DSG2: variants seen among roughly 807,000 people sequenced by gnomAD.
The protein encoded by DSG2 is desmoglein 2.
In DSG2, 45 loss-of-function variants were observed where a neutral mutation model predicts 75.6. That is an observed-to-expected ratio of 0.60 (90% CI 0.47 to 0.76). The LOEUF (loss-of-function observed/expected upper bound fraction) is 0.76. DSG2 is among the 30% of genes least tolerant of loss of function. The pLI is 0.00. For missense variants in DSG2, 1,267 were observed against 1,357.4 expected (o/e 0.93, Z 1.05); for synonymous variants, 429 against 483.9 (o/e 0.89, Z 1.49).
At position 31,531,165 on chromosome 18, in the gene DSG2, G is replaced by A. The variant is rs1481718957; in HGVS notation, c.1193G>A (p.Ser398Asn). The change falls in exon 9 of 15, where the codon AGC (serine) becomes AAC (asparagine). Residue 398 changes from serine to asparagine, a missense_variant. By Grantham distance (46) the Ser-to-Asn change is conservative. Coordinates refer to ENST00000261590, the MANE Select transcript of DSG2 (RefSeq NM_001943.5). ...FKSSVISIYV[S>N]ESMDRSSKGQ... ...AGCAGCGTCATCTCAATTTATGTTA[G>A]CGAGAGCATGGATAGATCAAGCAAA... The A allele has an allele frequency of 3.1e-6, 5 of 1,614,166 alleles. No homozygotes were observed. The highest frequency in any genetic ancestry group is 1.7e-5 in the Admixed American group (1 of 60,016).
At position 31,509,190 on chromosome 18, in the gene DSG2, G is replaced by T. The variant is rs147607988; in HGVS notation, c.46-9049G>T. Among the ~76,000 whole-genome samples, 67 of 152,262 alleles carry T rather than the reference G, an allele frequency of 4.4e-4. 1 individual carries two copies. The South Asian group carries it at 0.013, about 30-fold the overall frequency. On this transcript the variant is annotated intron_variant, in intron 1 of 14. Coordinates refer to ENST00000261590, the MANE Select transcript of DSG2 (RefSeq NM_001943.5). ...CAAGTGTAGCAAAGCATTGCTAAAT[G>T]CATATTTTAAAATTCTATGAGTTAA...
intron 1 of DSG2, among the ~76,000 whole-genome samples, chr18:31,517,418 A>G (rs527864964): frequency 6.6e-6 from 1 of 152,344 alleles, no homozygotes; most frequent in Non-Finnish European, 1.5e-5. Context: ...TATACATATC[A>G]AAGCAGCTAG....
intron 9 of DSG2, among the ~76,000 whole-genome samples, chr18:31,532,797 C>T (rs1019160022): frequency 7.2e-5 from 11 of 152,278 alleles, no homozygotes; most frequent in African/African-American, 2.2e-4. Context: ...GATCATTTTT[C>T]ACTGCTGTCT....
Position 31,548,150 on chromosome 18 carries a change from A to G in DSG2, c.*1407A>G, listed in dbSNP as rs2073328058. 1 of 152,188 alleles carries G rather than the reference A, an allele frequency of 6.6e-6. No homozygotes were observed. The highest frequency in any genetic ancestry group is 2.4e-5 in the African/African-American group (1 of 41,438). The allele number at this position is 152,188 out of a possible 1,614,324, so 9.4% of individuals were successfully genotyped here. Reference sequence around the variant, plus strand: ...GTACTCAATATTATAAAAACCTCAAATAATTGACTTGATTTTACACAACAT... The same window carrying G: ...GTACTCAATATTATAAAAACCTCAAGTAATTGACTTGATTTTACACAACAT... On this transcript the variant is annotated 3_prime_UTR_variant, in exon 15 of 15. Coordinates refer to ENST00000261590, the MANE Select transcript of DSG2 (RefSeq NM_001943.5).
At position 31,546,086 on chromosome 18, in the gene DSG2, G is replaced by C. The variant is rs1396387126; in HGVS notation, c.2700G>C (p.Glu900Asp). Reference protein sequence around the residue: ...VPKSLQEANAEKVTQEIVTER... With the variant: ...VPKSLQEANADKVTQEIVTER... ...AATCTTTGCAAGAAGCCAATGCAGA[G>C]AAAGTAACTCAGGAAATAGTCACTG... The change falls in exon 15 of 15, where the codon GAG becomes GAC. Residue 900 changes from glutamate to aspartate, a missense_variant. Coordinates refer to ENST00000261590, the MANE Select transcript of DSG2 (RefSeq NM_001943.5). 1 of 1,614,206 alleles carries C rather than the reference G, an allele frequency of 6.2e-7. No homozygotes were observed. The highest frequency in any genetic ancestry group is 1.1e-5 in the South Asian group (1 of 91,084).
At chr18:31,531,298 A>G in intron 9 of DSG2, 46 bp downstream of exon 9, 1 of 1,603,992 alleles carries the variant, frequency 6.2e-7, no homozygotes, top group Non-Finnish European at 8.5e-7. Flanking sequence ...AATTATTTTC[A>G]GTGCCTATTT....
chr18:31,503,335 G>A (rs1434943463), intron 1 of DSG2, among the ~76,000 whole-genome samples: 3 of 152,172 alleles, frequency 2.0e-5, no homozygotes, highest in Non-Finnish European at 1.5e-5. Flanking sequence ...ATCCCAGCTG[G>A]TATCTGAGAA....
intron 10 of DSG2, among the ~76,000 whole-genome samples, chr18:31,535,631 T>TA (rs1463419474): frequency 1.3e-5 from 2 of 151,888 alleles, no homozygotes; most frequent in Admixed American, 6.6e-5. Flanking sequence ...CCGTCTCTAC[T>TA]AAAAATACAA....
chr18:31,517,557 A>G (rs532043203), intron 1 of DSG2, among the ~76,000 whole-genome samples: 8 of 152,354 alleles, frequency 5.3e-5, no homozygotes, highest in South Asian at 2.1e-4. Context: ...TTCCAAAACT[A>G]TGCACATCTT....
chr18:31,508,919 C>T (rs2073052780), intron 1 of DSG2, among the ~76,000 whole-genome samples: 1 of 152,062 alleles, frequency 6.6e-6, no homozygotes, highest in African/African-American at 2.4e-5. Context: ...ATTCTTGGAC[C>T]CCATCCAGAC....
intron 1 of DSG2, among the ~76,000 whole-genome samples, chr18:31,516,052 T>C (rs1439505211): frequency 2.6e-5 from 4 of 151,878 alleles, no homozygotes; most frequent in African/African-American, 9.7e-5. Flanking sequence ...GTGGGAGCAA[T>C]ACATATAGAC....
chr18:31,548,954 T>C lies in DSG2; in HGVS notation c.*2211T>C, dbSNP rs1199252735. ...AAGGCAGGTGTTTCTTGGACTTTGTTATTTAATTAGATCTGCTTGCAATAA... is the reference window on the plus strand; with the variant it reads ...AAGGCAGGTGTTTCTTGGACTTTGTCATTTAATTAGATCTGCTTGCAATAA... On this transcript the variant is annotated 3_prime_UTR_variant, in exon 15 of 15. Transcript: ENST00000261590. 6.6e-6 allele frequency: 1 copy of C among 152,230 alleles called. No homozygotes were observed. The highest frequency in any genetic ancestry group is 1.9e-4 in the East Asian group (1 of 5,204). 9.4% of individuals were successfully genotyped at this position (152,230 alleles called of 1,614,324 possible).
chr18:31,524,697 T>C lies in DSG2; in HGVS notation c.829-6T>C. 6.2e-7 allele frequency: 1 copy of C among 1,614,194 alleles called. No homozygotes were observed. Among genetic ancestry groups the C allele is most frequent in the Non-Finnish European group, 8.5e-7 (1 of 1,180,030 alleles). On this transcript the variant is annotated splice_polypyrimidine_tract_variant and splice_region_variant and intron_variant, in intron 7 of 14. Transcript: ENST00000261590. ...GAAATAAAAATCATGTGTTCATGTTTTGCAGCTTGAAGGGATGGTTGAAGA... is the reference window on the plus strand; with the variant it reads ...GAAATAAAAATCATGTGTTCATGTTCTGCAGCTTGAAGGGATGGTTGAAGA...
At position 31,542,858 on chromosome 18, in the gene DSG2, G is replaced by C; in HGVS notation, c.2334+6G>C. On this transcript the variant is annotated splice_donor_region_variant and intron_variant, in intron 14 of 14. Transcript: ENST00000261590. ...TAAGAAATTATTTCACTGATGTAAGGATGAGTTTTATGTATTGGTGGTGGG... is the reference window on the plus strand; with the variant it reads ...TAAGAAATTATTTCACTGATGTAAGCATGAGTTTTATGTATTGGTGGTGGG... 9.1e-7 allele frequency: 1 copy of C among 1,093,142 alleles called. No individual in the cohort carries two copies. The highest frequency in any genetic ancestry group is 1.5e-5 in the South Asian group (1 of 66,072). The allele number at this position is 1,093,142 out of a possible 1,614,324, so 67.7% of individuals were successfully genotyped here. A position where few individuals can be genotyped will look rare whatever the true frequency, so the allele number is the denominator to read the frequency against.
intron 1 of DSG2, among the ~76,000 whole-genome samples, chr18:31,511,807 A>T (rs559650953): frequency 1.3e-5 from 2 of 152,240 alleles, no homozygotes; most frequent in Admixed American, 6.5e-5. Flanking sequence ...TGAAAACACC[A>T]TGTCACCAGT....
At chr18:31,501,511 G>C (rs1321123538) in intron 1 of DSG2, among the ~76,000 whole-genome samples, 1 of 152,084 alleles carries the variant, frequency 6.6e-6, no homozygotes, top group African/African-American at 2.4e-5. Context: ...ATATGGGCAG[G>C]GCCATGCTCC....
intron 1 of DSG2, among the ~76,000 whole-genome samples, chr18:31,504,689 G>A (rs2073030096): frequency 6.6e-6 from 1 of 152,162 alleles, no homozygotes; most frequent in Non-Finnish European, 1.5e-5. Context: ...TGTCCCCAGT[G>A]GCCAGGCAAT....
chr18:31,532,327 C>G (rs1382330472), intron 9 of DSG2, among the ~76,000 whole-genome samples: 1 of 152,034 alleles, frequency 6.6e-6, no homozygotes, highest in Non-Finnish European at 1.5e-5. Flanking sequence ...AGCACTAATT[C>G]CATTCATGAG....
At position 31,522,310 on chromosome 18, in the gene DSG2, CTTTTT is replaced by C. The variant is rs10544776; in HGVS notation, c.690+62_690+66del. ...CTCTATCCTTTCCAGTTTCTCCTCTCTTTTTCTTTTCTAATTTTCTTATTTTGTTC... is the reference window on the plus strand; with the variant it reads ...CTCTATCCTTTCCAGTTTCTCCTCTCCTTTTCTAATTTTCTTATTTTGTTC... On this transcript the variant is annotated intron_variant, in intron 6 of 14. Transcript: ENST00000261590. 0.017 allele frequency: 25,980 copies of C among 1,492,368 alleles called. 1,923 individuals are homozygous for C. The African/African-American group carries it at 0.19, about 11-fold the overall frequency. The allele number at this position is 1,492,368 out of a possible 1,614,324, so 92.4% of individuals were successfully genotyped here. A position where few individuals can be genotyped will look rare whatever the true frequency, so the allele number is the denominator to read the frequency against.
Sources: allele counts gnomAD v4.1 joint callset (sites outside exome capture counted in the v4.1 genomes callset), GRCh38; gene constraint gnomAD v4.1.1; transcripts MANE v1.5; gene names NCBI Gene and HGNC (gene_info 2026-07-23, HGNC 2026-07-21).